Variants in GPHN observed in about 807,000 individuals in gnomAD.
GPHN encodes gephyrin.
A neutral mutation model predicts 95.5 loss-of-function variants in GPHN; 17 were observed. The observed-to-expected ratio is 0.18, with a 90% CI of 0.12 to 0.27. GPHN has a LOEUF of 0.27. Among genes scored for constraint, GPHN ranks in the 10% least tolerant of loss-of-function variants. The probability of loss-of-function intolerance (pLI) is 1.00; values close to 1 mark genes in which losing one functional copy is unlikely to be tolerated. For missense variants in GPHN, 660 were observed against 978.1 expected, an observed-to-expected ratio of 0.67 and a Z score of 4.34; for synonymous variants, 320 against 322.5, an observed-to-expected ratio of 0.99 and a Z score of 0.08.
chr14:67,496,399 T>TTTGTTTG, the GPHN span, among the ~76,000 whole-genome samples: 1 of 122,054 alleles, frequency 8.2e-6, no homozygotes, highest in South Asian at 3.3e-4. Flanking sequence ...GCGTTTTTTT[T>TTTGTTTG]TTTTTTTTTT....
the GPHN span, among the ~76,000 whole-genome samples, chr14:67,370,238 C>A: frequency 6.6e-6 from 1 of 152,172 alleles, no homozygotes; most frequent in East Asian, 1.9e-4. Context: ...GGCGTTAGGA[C>A]CATTATGGAC....
At chr14:67,522,352 A>T in the GPHN span, among the ~76,000 whole-genome samples, 1 of 152,150 alleles carries the variant, frequency 6.6e-6, no homozygotes, top group East Asian at 1.9e-4. Context: ...TTAAAATCCA[A>T]ACTCCAAGCT....
intron 1 of GPHN, among the ~76,000 whole-genome samples, chr14:66,521,305 C>CA (rs2058476059): frequency 6.6e-6 from 1 of 151,886 alleles, no homozygotes; most frequent in Non-Finnish European, 1.5e-5. Context: ...CCAGGATGCT[C>CA]ACCTGGCATG....
At chr14:67,246,716 T>TA in the GPHN span, among the ~76,000 whole-genome samples, 4 of 143,118 alleles carry the variant, frequency 2.8e-5, no homozygotes, top group African/African-American at 1.0e-4. Context: ...AGTGGCACGA[T>TA]ATCAGCTCAC....
At chr14:67,412,737 T>C in the GPHN span, among the ~76,000 whole-genome samples, 1 of 152,014 alleles carries the variant, frequency 6.6e-6, no homozygotes. Flanking sequence ...ACAAATTATA[T>C]ATAGAGAGAG....
chr14:67,301,538 A>G, the GPHN span: 1 of 987,756 alleles, frequency 1.0e-6, no homozygotes, highest in Non-Finnish European at 1.5e-6. Flanking sequence ...CAAAGACTCC[A>G]GTACTGGAAG....
At chr14:66,879,897 T>A (rs2063849068) in intron 4 of GPHN, 42 bp from the exon 5 acceptor site, 1 of 1,235,382 alleles carries the variant, frequency 8.1e-7, no homozygotes, top group African/African-American at 1.5e-5. Flanking sequence ...CATTCTTTTT[T>A]GGCTTATTTC....
At chr14:66,700,488 A>T (rs1396913402) in intron 2 of GPHN, among the ~76,000 whole-genome samples, 1 of 152,180 alleles carries the variant, frequency 6.6e-6, no homozygotes, top group African/African-American at 2.4e-5. Context: ...GATCTAATTT[A>T]AATTTGTATT....
At chr14:67,670,305 C>CA in the GPHN span, among the ~76,000 whole-genome samples, 3 of 152,122 alleles carry the variant, frequency 2.0e-5, no homozygotes, top group African/African-American at 7.2e-5. Flanking sequence ...GAGATCCCCT[C>CA]ACAATCTGGC....
At chr14:67,263,849 T>C in the GPHN span, among the ~76,000 whole-genome samples, 1 of 111,956 alleles carries the variant, frequency 8.9e-6, no homozygotes, top group Non-Finnish European at 1.6e-5. Flanking sequence ...ACCATTTAAA[T>C]AATTGTTCTG....
rs2059562267 is a variant in GPHN at position 66,545,806 on chromosome 14, G to A, written c.64+37215G>A. On this transcript the variant is annotated intron_variant, in intron 1 of 22. Transcript: ENST00000478722. ...AGGGGCTCCTCACTTCCCAGTAGGG[G>A]CGGCTGGGCGGAGGCTCCCCTCTCC... is the stretch of plus-strand genomic sequence containing the variant. Among the ~76,000 whole-genome samples, 3 of 149,124 alleles carry A rather than the reference G, an allele frequency of 2.0e-5. No individual in the cohort carries two copies. In the South Asian group the frequency reaches 6.4e-4, roughly 32 times the overall value.
chr14:67,140,120 A>T (rs773887572), intron 17 of GPHN, among the ~76,000 whole-genome samples: 3 of 152,204 alleles, frequency 2.0e-5, no homozygotes, highest in Non-Finnish European at 2.9e-5. Flanking sequence ...ACGGCGGCTC[A>T]CACCTGTAAT....
intron 9 of GPHN, among the ~76,000 whole-genome samples, chr14:66,976,639 T>G (rs749847636): frequency 1.3e-5 from 2 of 152,142 alleles, no homozygotes; most frequent in Non-Finnish European, 2.9e-5. Flanking sequence ...ATTCAGAAAT[T>G]CATTGAATAT....
intron 13 of GPHN, among the ~76,000 whole-genome samples, chr14:67,101,714 T>C (rs1319373718): frequency 6.6e-6 from 1 of 151,594 alleles, no homozygotes; most frequent in Non-Finnish European, 1.5e-5. Flanking sequence ...TTTTATTATA[T>C]TTTACACTCT....
At position 66,647,086 on chromosome 14, in the gene GPHN, T is replaced by G. The variant is rs575996718; in HGVS notation, c.65-34021T>G. Among the ~76,000 whole-genome samples the G allele has an allele frequency of 2.8e-3, 428 of 150,898 alleles. 2 individuals are homozygous for G. Among genetic ancestry groups the G allele is most frequent in the Non-Finnish European group, 4.4e-3 (298 of 67,794 alleles). On this transcript the variant is annotated intron_variant, in intron 1 of 22. Coordinates refer to ENST00000478722, the MANE Select transcript of GPHN (RefSeq NM_020806.5). ...TTTTTTTTTTTTTTTAATATTTTTT[T>G]TTAAAGTCAGGGTCTCACTATGTTG... is the stretch of plus-strand genomic sequence containing the variant.
At chr14:66,594,762 A>T (rs2061903019) in intron 1 of GPHN, among the ~76,000 whole-genome samples, 2 of 152,202 alleles carry the variant, frequency 1.3e-5, no homozygotes, top group African/African-American at 2.4e-5. Context: ...GTATGATCAC[A>T]CGTACTTTGG....
At chr14:66,514,198 AT>A (rs2058150312) in intron 1 of GPHN, among the ~76,000 whole-genome samples, 1 of 152,164 alleles carries the variant, frequency 6.6e-6, no homozygotes, top group South Asian at 2.1e-4. Flanking sequence ...GCATAAGTAA[AT>A]TAGGCACAAA....
intron 2 of GPHN, among the ~76,000 whole-genome samples, chr14:66,704,668 G>A: frequency 6.6e-6 from 1 of 152,084 alleles, no homozygotes; most frequent in Non-Finnish European, 1.5e-5. Flanking sequence ...AGAAGTGTGA[G>A]AGAGAGAAAC....
chr14:67,263,333 G>A, the GPHN span, among the ~76,000 whole-genome samples: 1 of 152,162 alleles, frequency 6.6e-6, no homozygotes, highest in Non-Finnish European at 1.5e-5. Flanking sequence ...AAATGGTGAA[G>A]TATGCAGTCC....
Sources: gnomAD v4.1 joint callset for allele counts (sites outside exome capture counted in the v4.1 genomes callset) on GRCh38, gnomAD v4.1.1 for gene constraint, MANE v1.5 for transcripts, NCBI Gene and HGNC (gene_info 2026-07-23, HGNC 2026-07-21) for gene names.